The following PLAC8 variants were observed in gnomAD, a reference collection of about 807,000 sequenced individuals.
PLAC8 encodes the protein placenta-specific gene 8 protein.
A neutral mutation model predicts 12.6 loss-of-function variants in PLAC8; 6 were observed. The observed-to-expected ratio is 0.48, with a 90% CI of 0.26 to 0.94. The LOEUF (loss-of-function observed/expected upper bound fraction) is 0.94, where lower values mean the gene tolerates loss of function less well. PLAC8 is among the 40% of genes least tolerant of loss of function. The pLI is 0.14. For synonymous variants in PLAC8, 54 were observed against 52.6 expected, an observed-to-expected ratio of 1.03 and a Z score of -0.11; for missense variants, 122 against 152.7, an observed-to-expected ratio of 0.80 and a Z score of 1.06.
intron 2 of PLAC8, 41 bp downstream of exon 2, chr4:83,107,763 C>G: frequency 6.6e-6 from 8 of 1,211,770 alleles, no homozygotes; most frequent in Non-Finnish European, 9.4e-6. Flanking sequence ...TGGTAATTCA[C>G]CTCGGTATCA....
chr4:83,106,058 G>T (rs1732231728), intron 2 of PLAC8, among the ~76,000 whole-genome samples: 2 of 151,770 alleles, frequency 1.3e-5, no homozygotes, highest in Admixed American at 1.3e-4. Flanking sequence ...CGAGTGCAAT[G>T]GTGCGATCTT....
intron 1 of PLAC8, among the ~76,000 whole-genome samples, chr4:83,110,940 C>T (rs1732411095): frequency 6.6e-6 from 1 of 152,172 alleles, no homozygotes; most frequent in Admixed American, 6.5e-5. Flanking sequence ...AAGTGGCTAT[C>T]CCTAGGTGAT....
intron 1 of PLAC8, among the ~76,000 whole-genome samples, chr4:83,112,907 C>A (rs1434405323): frequency 6.6e-6 from 1 of 152,198 alleles, no homozygotes; most frequent in African/African-American, 2.4e-5. Context: ...CCTTGAAAAT[C>A]TAGAGTTCCT....
At chr4:83,102,993 G>A (rs1732142298) in intron 3 of PLAC8, among the ~76,000 whole-genome samples, 2 of 151,870 alleles carry the variant, frequency 1.3e-5, no homozygotes, top group Admixed American at 1.3e-4. Context: ...GGCCGAGGCA[G>A]GAGAATGGCG....
chr4:83,113,107 T>C (rs1375686776), intron 1 of PLAC8, among the ~76,000 whole-genome samples: 3 of 152,162 alleles, frequency 2.0e-5, no homozygotes, highest in Non-Finnish European at 4.4e-5. Context: ...GAGATTGTGG[T>C]TTAGATAGAA....
intron 2 of PLAC8, among the ~76,000 whole-genome samples, chr4:83,106,126 A>G (rs9684534): frequency 0.059 from 8,902 of 151,934 alleles, 728 homozygotes; most frequent in African/African-American, 0.18. Context: ...CAGCCTCCCA[A>G]GTAGCTGGGA....
intron 2 of PLAC8, among the ~76,000 whole-genome samples, chr4:83,107,270 G>A (rs1036320917): frequency 6.7e-6 from 1 of 149,666 alleles, no homozygotes; most frequent in African/African-American, 2.5e-5. Flanking sequence ...CCAGTGACAA[G>A]CTAATTGCCT....
At chr4:83,092,034 T>C (rs1216697269) in intron 4 of PLAC8, among the ~76,000 whole-genome samples, 1 of 152,184 alleles carries the variant, frequency 6.6e-6, no homozygotes, top group African/African-American at 2.4e-5. Context: ...TGTTATTCCT[T>C]GCTCTTTCTC....
At chr4:83,104,810 T>C (rs974534563) in intron 3 of PLAC8, 86 bp downstream of exon 3, 53 of 1,385,144 alleles carry the variant, frequency 3.8e-5, no homozygotes, top group Non-Finnish European at 5.1e-5. Flanking sequence ...TTTCAGAAGA[T>C]GTATACATCA....
At chr4:83,102,468 G>A (rs1732122886) in intron 3 of PLAC8, among the ~76,000 whole-genome samples, 1 of 152,178 alleles carries the variant, frequency 6.6e-6, no homozygotes, top group Non-Finnish European at 1.5e-5. Flanking sequence ...GAACCTGGGA[G>A]GGGAAGGCTG....
intron 2 of PLAC8, 103 bp from the exon 3 acceptor site, chr4:83,105,123 G>T: frequency 7.5e-7 from 1 of 1,335,642 alleles, no homozygotes; most frequent in Non-Finnish European, 1.1e-6. Context: ...ATGGGGCCTT[G>T]GCCGCAAAGC....
At chr4:83,093,691 T>C (rs533307490) in intron 4 of PLAC8, 2 of 152,334 alleles carry the variant, frequency 1.3e-5, no homozygotes, top group East Asian at 3.9e-4. Flanking sequence ...TAGGCATTAA[T>C]TGAATTCTGC....
intron 3 of PLAC8, among the ~76,000 whole-genome samples, chr4:83,095,047 C>A (rs937274312): frequency 2.6e-5 from 4 of 152,076 alleles, no homozygotes; most frequent in Non-Finnish European, 5.9e-5. Context: ...AGTTAAATAT[C>A]CTTGGGAAGT....
chr4:83,099,924 T>C (rs1384854577), intron 3 of PLAC8, among the ~76,000 whole-genome samples: 3 of 151,032 alleles, frequency 2.0e-5, no homozygotes, highest in Non-Finnish European at 4.4e-5. Context: ...GAAAATTGCT[T>C]GAACCTGGGA....
intron 2 of PLAC8, among the ~76,000 whole-genome samples, chr4:83,105,631 G>GT (rs1432618215): frequency 6.6e-6 from 1 of 152,230 alleles, no homozygotes; most frequent in Non-Finnish European, 1.5e-5. Flanking sequence ...ATGAAAAACT[G>GT]TAAGTGTTAA....
rs150324391 is a variant in PLAC8 at position 83,096,653 on chromosome 4, C to T, written c.244-1862G>A. On this transcript the variant is annotated intron_variant, in intron 3 of 4. Coordinates refer to ENST00000311507, the MANE Select transcript of PLAC8 (RefSeq NM_016619.3). ...ATGACTCATATAAATATAGATTAGA[C>T]GAAGATACAGCTATGGACATAGACA... Among the ~76,000 whole-genome samples, 79 of 152,208 alleles carry T rather than the reference C, an allele frequency of 5.2e-4. 1 individual carries two copies. Among genetic ancestry groups the T allele is most frequent in the African/African-American group, 1.6e-3 (65 of 41,542 alleles).
intron 3 of PLAC8, among the ~76,000 whole-genome samples, chr4:83,100,268 G>T (rs1349440112): frequency 7.2e-6 from 1 of 139,176 alleles, no homozygotes; most frequent in Non-Finnish European, 1.5e-5. Flanking sequence ...GTGACAGAGC[G>T]AGACTCCATC....
At chr4:83,099,440 C>T (rs892184667) in intron 3 of PLAC8, among the ~76,000 whole-genome samples, 3 of 151,968 alleles carry the variant, frequency 2.0e-5, no homozygotes, top group African/African-American at 4.8e-5. Flanking sequence ...CAATTTTTTT[C>T]ATTCTTATTA....
chr4:83,111,552 C>T (rs896578068), intron 1 of PLAC8, among the ~76,000 whole-genome samples: 8 of 151,738 alleles, frequency 5.3e-5, no homozygotes, highest in Non-Finnish European at 8.8e-5. Flanking sequence ...GTATTTTTTT[C>T]CCTCTTGGCC....
Sources: gnomAD v4.1 joint callset for allele counts (sites outside exome capture counted in the v4.1 genomes callset) on GRCh38, gnomAD v4.1.1 for gene constraint, MANE v1.5 for transcripts, NCBI Gene and HGNC (gene_info 2026-07-23, HGNC 2026-07-21) for gene names.